DZIP1: variants seen among roughly 807,000 people sequenced by gnomAD.
DZIP1 encodes the protein DAZ interacting zinc finger protein 1.
Under a neutral mutation model 107.6 loss-of-function variants are expected in DZIP1, and 97 were observed. That is an observed-to-expected ratio of 0.90 (90% CI 0.77 to 1.07). The LOEUF is 1.07. Among genes scored for constraint, DZIP1 ranks in the 50% least tolerant of loss-of-function variants. DZIP1 has a pLI of 0.00. For missense variants in DZIP1, 1,035 were observed against 1,063.6 expected, an observed-to-expected ratio of 0.97 and a Z score of 0.37; for synonymous variants, 390 against 386.4, an observed-to-expected ratio of 1.01 and a Z score of -0.11.
In DZIP1 at chr13:95,644,421, CG is replaced by C. The variant is rs1878883668; in HGVS notation, c.-571del. 6.6e-6 allele frequency: 1 copy of C among 152,626 alleles called. No individual in the cohort carries two copies. Among genetic ancestry groups the C allele is most frequent in the Non-Finnish European group, 1.5e-5 (1 of 68,404 alleles). 9.5% of individuals were successfully genotyped at this position (152,626 alleles called of 1,614,324 possible). A position where few individuals can be genotyped will look rare whatever the true frequency, so the allele number is the denominator to read the frequency against. Reference sequence around the variant, plus strand: ...GCGGGTGCCGGGCGCTGCAGGCGGGCGGGGGCGACACAGGGGACCCAGACCC... The same window carrying C: ...GCGGGTGCCGGGCGCTGCAGGCGGGCGGGGCGACACAGGGGACCCAGACCC... On this transcript the variant is annotated 5_prime_UTR_variant, in exon 1 of 23. Transcript: ENST00000376829.
Position 95,582,177 on chromosome 13 carries a change from A to G in DZIP1, c.*57T>C. On this transcript the variant is annotated 3_prime_UTR_variant, in exon 23 of 23. Transcript: ENST00000376829. The stretch of plus-strand genomic sequence containing the variant: ...CTAGAATCATGGAGGCAAATTACTG[A>G]AACACTGTGATACTGAAATACTGCT... 1 of 1,553,594 alleles carries G rather than the reference A, an allele frequency of 6.4e-7. No individual in the cohort carries two copies. Among genetic ancestry groups the G allele is most frequent in the East Asian group, 2.2e-5 (1 of 44,492 alleles).
chr13:95,585,808 T>C (rs2044144290), intron 21 of DZIP1, among the ~76,000 whole-genome samples, 198 bp downstream of exon 21: 2 of 152,250 alleles, frequency 1.3e-5, no homozygotes, highest in South Asian at 4.1e-4. Flanking sequence ...GCTTATTATG[T>C]ATTGTTACAG....
intron 10 of DZIP1, among the ~76,000 whole-genome samples, chr13:95,612,388 A>G (rs947610390): frequency 6.6e-6 from 1 of 152,294 alleles, no homozygotes; most frequent in Admixed American, 6.5e-5. Flanking sequence ...CACGTCCCCA[A>G]ATAGACAACA....
chr13:95,591,025 T>C (rs950200256), intron 16 of DZIP1, among the ~76,000 whole-genome samples: 2 of 149,192 alleles, frequency 1.3e-5, no homozygotes, highest in African/African-American at 2.5e-5. Flanking sequence ...GTGACTTCTT[T>C]TTTTTTTTTT....
intron 14 of DZIP1, among the ~76,000 whole-genome samples, chr13:95,604,592 G>T (rs1297469407): frequency 3.9e-5 from 6 of 152,222 alleles, no homozygotes; most frequent in African/African-American, 1.4e-4. Flanking sequence ...ACATGCTTTA[G>T]AAATGATCGA....
intron 8 of DZIP1, among the ~76,000 whole-genome samples, chr13:95,623,056 A>T (rs371063759): frequency 6.6e-6 from 1 of 152,106 alleles, no homozygotes; most frequent in South Asian, 2.1e-4. Context: ...CTGGGGCTTA[A>T]AATTTTTTAT....
At position 95,641,076 on chromosome 13, in the gene DZIP1, C is replaced by A. The variant is rs971290207; in HGVS notation, c.597+219G>T. 6.6e-6 allele frequency among the ~76,000 whole-genome samples: 1 copy of A among 152,108 alleles called. No homozygotes were observed. Among genetic ancestry groups the A allele is most frequent in the Non-Finnish European group, 1.5e-5 (1 of 68,042 alleles). Reference sequence around the variant, plus strand: ...GATAACTTCCATAAAGCACCACAGACGACATTTGTTGTTTAATTATTAATC... The same window carrying A: ...GATAACTTCCATAAAGCACCACAGAAGACATTTGTTGTTTAATTATTAATC... On this transcript the variant is annotated intron_variant, in intron 5 of 22. Coordinates refer to ENST00000376829, the MANE Select transcript of DZIP1 (RefSeq NM_198968.4). The surrounding 1 kb of genome is among the most constrained non-coding windows in gnomAD (Gnocchi z 4.3).
intron 22 of DZIP1, among the ~76,000 whole-genome samples, chr13:95,583,968 A>T (rs1361679245): frequency 2.6e-5 from 4 of 151,768 alleles, no homozygotes; most frequent in East Asian, 3.9e-4. Context: ...TAAAAAAAAT[A>T]AAAAAATAAT....
At chr13:95,600,870 T>G (rs2138972920) in intron 14 of DZIP1, among the ~76,000 whole-genome samples, 1 of 152,272 alleles carries the variant, frequency 6.6e-6, no homozygotes, top group Non-Finnish European at 1.5e-5. Flanking sequence ...CCACCAAAAA[T>G]ATGCTTTTCA....
Position 95,606,201 on chromosome 13 carries a change from T to C in DZIP1, c.1421-142A>G, listed in dbSNP as rs192734928. 6.7e-5 allele frequency: 44 copies of C among 658,080 alleles called. No homozygotes were observed. The Middle Eastern group carries it at 7.6e-4, about 11-fold the overall frequency. 40.8% of individuals were successfully genotyped at this position (658,080 alleles called of 1,614,324 possible). ...ACAAATATTTCAAGTGACAAAGATA[T>C]TACACAACTAACATAAACTTATATT... On this transcript the variant is annotated intron_variant, in intron 13 of 22. Transcript: ENST00000376829.
At chr13:95,589,989 G>C in intron 17 of DZIP1, 57 bp from the exon 18 acceptor site, 1 of 1,588,810 alleles carries the variant, frequency 6.3e-7, no homozygotes, top group Non-Finnish European at 8.6e-7. Context: ...TAAGTGAAAA[G>C]CAAAGGTAAA....
chr13:95,600,617 T>TAGACAGAC (rs752868266), intron 14 of DZIP1, among the ~76,000 whole-genome samples: 9 of 134,948 alleles, frequency 6.7e-5, no homozygotes, highest in Non-Finnish European at 1.5e-4. Context: ...GATAGATAGA[T>TAGACAGAC]AGATAGATAG....
chr13:95,633,847 C>G (rs1027692310), intron 5 of DZIP1, among the ~76,000 whole-genome samples: 1 of 151,714 alleles, frequency 6.6e-6, no homozygotes, highest in Middle Eastern at 3.4e-3. Context: ...AGCACGAGGC[C>G]GAAGGCAGTT....
chr13:95,635,726 C>A (rs957188422), intron 5 of DZIP1, among the ~76,000 whole-genome samples: 1 of 152,138 alleles, frequency 6.6e-6, no homozygotes, highest in Non-Finnish European at 1.5e-5. Flanking sequence ...TCACATGTTG[C>A]CAGAAGGTGT....
intron 8 of DZIP1, among the ~76,000 whole-genome samples, chr13:95,623,081 T>C (rs1260473591): frequency 2.0e-5 from 3 of 151,960 alleles, no homozygotes; most frequent in Non-Finnish European, 4.4e-5. Context: ...ACTTAATAGG[T>C]ACCAGAAACA....
At chr13:95,587,480 G>A (rs2044191629) in intron 20 of DZIP1, 59 bp downstream of exon 20, 1 of 1,576,324 alleles carries the variant, frequency 6.3e-7, no homozygotes, top group South Asian at 1.2e-5. Context: ...CGGTACACAC[G>A]GGTGAGGACA....
At position 95,641,798 on chromosome 13, in the gene DZIP1, C is replaced by G; in HGVS notation, c.94G>C (p.Ala32Pro). The G allele has an allele frequency of 6.7e-7, 1 of 1,496,396 alleles. No homozygotes were observed. Among genetic ancestry groups the G allele is most frequent in the Non-Finnish European group, 8.8e-7 (1 of 1,132,466 alleles). 92.7% of individuals were successfully genotyped at this position (1,496,396 alleles called of 1,614,324 possible). ...LASGPEGPDV[A>P]VAAAAAGAAS... Reference sequence around the variant, plus strand: ...GCACCCGCGGCGGCGGCGGCCACAGCGACGTCGGGCCCCTCTGGGCCGCTG... The same window carrying G: ...GCACCCGCGGCGGCGGCGGCCACAGGGACGTCGGGCCCCTCTGGGCCGCTG... Residue 32 changes from alanine (A) to proline (P), a missense_variant, in exon 5 of 23, where the codon GCT becomes CCT. Ala to Pro is a conservative substitution (Grantham distance 27). Transcript: ENST00000376829. This position sits in a 1 kb window ranked among gnomAD's most constrained non-coding sequence, Gnocchi z 4.3.
chr13:95,599,534 C>T (rs2044553626), intron 14 of DZIP1, 110 bp from the exon 15 acceptor site: 1 of 947,266 alleles, frequency 1.1e-6, no homozygotes, highest in Non-Finnish European at 1.6e-6. Flanking sequence ...TTAGTCATGC[C>T]TGAATAGCAA....
At position 95,608,224 on chromosome 13, in the gene DZIP1, C is replaced by T. The variant is rs148448159; in HGVS notation, c.1420+1233G>A. On this transcript the variant is annotated intron_variant, in intron 13 of 22. Transcript: ENST00000376829. ...CATCCATATTTTTTTGACCACATTCCCCAATCAGTAAAAGTTCCCCCAGAA... is the reference window on the plus strand; with the variant it reads ...CATCCATATTTTTTTGACCACATTCTCCAATCAGTAAAAGTTCCCCCAGAA... 5.8e-3 allele frequency among the ~76,000 whole-genome samples: 880 copies of T among 151,724 alleles called. 7 individuals are homozygous for T. The highest frequency in any genetic ancestry group is 0.02 in the African/African-American group (838 of 41,370).
Sources: gnomAD v4.1 joint callset for allele counts (sites outside exome capture counted in the v4.1 genomes callset) on GRCh38, gnomAD v4.1.1 for gene constraint, Gnocchi (gnomAD v3.1) non-coding constraint, MANE v1.5 for transcripts, NCBI Gene and HGNC (gene_info 2026-07-23, HGNC 2026-07-21) for gene names.